The following BMP8A variants were observed in gnomAD, a reference collection of about 807,000 sequenced individuals.
The protein encoded by BMP8A is bone morphogenetic protein 8a.
In BMP8A, 14 loss-of-function variants were observed where a neutral mutation model predicts 36.8. The observed-to-expected ratio is 0.38, with a 90% CI of 0.25 to 0.60. BMP8A has a LOEUF of 0.60. Ranked by LOEUF, BMP8A falls within the 20% of genes least tolerant of loss-of-function variation. The pLI is 0.63. For synonymous variants in BMP8A, 120 were observed against 237.7 expected (o/e 0.50, Z 4.55); for missense variants, 267 against 551.1 (o/e 0.48, Z 5.16).
intron 6 of BMP8A, chr1:39,523,971 AAAATT>A (rs1442242731): frequency 6.1e-6 from 1 of 164,498 alleles, no homozygotes; most frequent in Non-Finnish European, 1.3e-5. Flanking sequence ...CTCTAAAATA[AAAATT>A]AAAACACACA....
At position 39,525,905 on chromosome 1, in the gene BMP8A, C is replaced by A. The variant is rs1645479089; in HGVS notation, c.*107C>A. On this transcript the variant is annotated 3_prime_UTR_variant, in exon 7 of 7. Transcript: ENST00000331593. ...ACAGCTCAAGCAGGAGTGTCAGGGG[C>A]CCTCACTCTCGGTGCCTACTTCCTG... The A allele has an allele frequency of 1.3e-6, 2 of 1,540,488 alleles. No individual in the cohort carries two copies. Among genetic ancestry groups the A allele is most frequent in the Non-Finnish European group, 8.8e-7 (1 of 1,139,942 alleles).
Position 39,529,164 on chromosome 1 carries a change from C to T in BMP8A, c.*3366C>T, listed in dbSNP as rs957023302. On this transcript the variant is annotated 3_prime_UTR_variant, in exon 7 of 7. Transcript: ENST00000331593. ...ACACTTAGTGCCATGCCTGCGCAGA[C>T]CTGTGGAATAAACAGCAATTCTGAG... 2 of 152,226 alleles carry T rather than the reference C, an allele frequency of 1.3e-5. No homozygotes were observed. Among genetic ancestry groups the T allele is most frequent in the African/African-American group, 4.8e-5 (2 of 41,438 alleles). 9.4% of individuals were successfully genotyped at this position (152,226 alleles called of 1,614,324 possible).
Position 39,526,080 on chromosome 1 carries a change from CT to C in BMP8A, c.*284del. 1 of 514,542 alleles carries C rather than the reference CT, an allele frequency of 1.9e-6. No homozygotes were observed. Among genetic ancestry groups the C allele is most frequent in the Non-Finnish European group, 3.4e-6 (1 of 291,024 alleles). The allele number at this position is 514,542 out of a possible 1,614,324, so 31.9% of individuals were successfully genotyped here. A position where few individuals can be genotyped will look rare whatever the true frequency, so the allele number is the denominator to read the frequency against. On this transcript the variant is annotated 3_prime_UTR_variant, in exon 7 of 7. Coordinates refer to ENST00000331593, the MANE Select transcript of BMP8A (RefSeq NM_181809.4). Reference sequence around the variant, plus strand: ...TCTGGAGTCAGCACAGAAGTCCTATCTTAGGACCTGTCAGACTGTGGCTGGC... The same window carrying C: ...TCTGGAGTCAGCACAGAAGTCCTATCTAGGACCTGTCAGACTGTGGCTGGC...
In BMP8A at chr1:39,509,562, G is replaced by A. The variant is rs146984736; in HGVS notation, c.335-1612G>A. On this transcript the variant is annotated intron_variant, in intron 1 of 6. Transcript: ENST00000331593. ...GACAAGACAAGTTCATTTTTCCTCC[G>A]CCCTGGCCTGGGATGAGCGGCCACC... Among the ~76,000 whole-genome samples the A allele has an allele frequency of 1.9e-3, 295 of 152,156 alleles. 2 individuals are homozygous for A. Among genetic ancestry groups the A allele is most frequent in the African/African-American group, 6.5e-3 (268 of 41,534 alleles).
intron 1 of BMP8A, among the ~76,000 whole-genome samples, chr1:39,497,135 T>C (rs1313081654): frequency 2.0e-5 from 3 of 152,272 alleles, no homozygotes; most frequent in South Asian, 4.1e-4. Context: ...AACTGAGTTG[T>C]ATTCCATTGC....
rs1183445567 is a variant in BMP8A at position 39,529,472 on chromosome 1, C to T, written c.*3674C>T. Among the ~76,000 whole-genome samples, 1 of 152,222 alleles carries T rather than the reference C, an allele frequency of 6.6e-6. No individual in the cohort carries two copies. Among genetic ancestry groups the T allele is most frequent in the Non-Finnish European group, 1.5e-5 (1 of 68,042 alleles). ...CCTGGCCCCGTAGTGAGTGTGGGGC[C>T]CACCTGTGCCCTCATGGGCAGCTGA... On this transcript the variant is annotated 3_prime_UTR_variant, in exon 7 of 7. Transcript: ENST00000331593.
Position 39,527,447 on chromosome 1 carries a change from T to C in BMP8A, c.*1649T>C, listed in dbSNP as rs899343460. On this transcript the variant is annotated 3_prime_UTR_variant, in exon 7 of 7. Coordinates refer to ENST00000331593, the MANE Select transcript of BMP8A (RefSeq NM_181809.4). ...CATCCACAGGCACAGCCTGGCAGAG[T>C]GGTTCCACCTCCCCATGGGCCCAAG... Among the ~76,000 whole-genome samples, 2 of 151,986 alleles carry C rather than the reference T, an allele frequency of 1.3e-5. No homozygotes were observed. Among genetic ancestry groups the C allele is most frequent in the Non-Finnish European group, 2.9e-5 (2 of 67,972 alleles).
At position 39,525,977 on chromosome 1, in the gene BMP8A, G is replaced by A. The variant is rs1645479777; in HGVS notation, c.*179G>A. On this transcript the variant is annotated 3_prime_UTR_variant, in exon 7 of 7. Coordinates refer to ENST00000331593, the MANE Select transcript of BMP8A (RefSeq NM_181809.4). The stretch of plus-strand genomic sequence containing the variant: ...GGTACCTCTGTGCCCCTCCCCTGGG[G>A]TTTGTGGCTGTCACTCTGCCCGACA... The A allele has an allele frequency of 2.7e-6, 3 of 1,108,820 alleles. No homozygotes were observed. The highest frequency in any genetic ancestry group is 1.6e-5 in the African/African-American group (1 of 63,392). The allele number at this position is 1,108,820 out of a possible 1,614,324, so 68.7% of individuals were successfully genotyped here.
chr1:39,509,471 G>A (rs924760152), intron 1 of BMP8A, among the ~76,000 whole-genome samples: 10 of 152,262 alleles, frequency 6.6e-5, no homozygotes, highest in East Asian at 1.9e-4. Flanking sequence ...CCTGTGTCAC[G>A]GCATCTGAGC....
Position 39,527,308 on chromosome 1 carries a change from G to A in BMP8A, c.*1510G>A, listed in dbSNP as rs928397270. ...GCTGTTCTCCTTGGAACAGCCACTG[G>A]GAGTTGGAGTGTTTATTTGATTTCT... On this transcript the variant is annotated 3_prime_UTR_variant, in exon 7 of 7. Transcript: ENST00000331593. 3.3e-5 allele frequency among the ~76,000 whole-genome samples: 5 copies of A among 152,282 alleles called. No individual in the cohort carries two copies. The highest frequency in any genetic ancestry group is 3.3e-4 in the Admixed American group (5 of 15,302).
chr1:39,506,007 G>A (rs1462696339), intron 1 of BMP8A, among the ~76,000 whole-genome samples: 4 of 79,008 alleles, frequency 5.1e-5, no homozygotes, highest in Admixed American at 1.1e-4. Flanking sequence ...AAAAAAAAAA[G>A]TGTCAAGGTT....
intron 1 of BMP8A, among the ~76,000 whole-genome samples, 158 bp from the exon 2 acceptor site, chr1:39,511,016 C>T (rs1645349407): frequency 6.6e-6 from 1 of 152,224 alleles, no homozygotes; most frequent in South Asian, 2.1e-4. Context: ...AAGCCTGGAA[C>T]AAACGTTTGC....
chr1:39,523,625 C>A, intron 6 of BMP8A: 1 of 1,443,954 alleles, frequency 6.9e-7, no homozygotes, highest in Non-Finnish European at 9.1e-7. Context: ...GGCTTTTTCC[C>A]GCAGTTTCTC....
chr1:39,497,269 AGCTGTGC>A (rs1358556486), intron 1 of BMP8A, among the ~76,000 whole-genome samples: 2 of 152,190 alleles, frequency 1.3e-5, no homozygotes, highest in East Asian at 3.9e-4. Context: ...GCCATTTGGG[AGCTGTGC>A]GATGTTGAGC....
chr1:39,511,066 G>A (rs929965447), intron 1 of BMP8A, 108 bp from the exon 2 acceptor site: 28 of 1,518,438 alleles, frequency 1.8e-5, no homozygotes, highest in East Asian at 9.4e-5. Context: ...CCCTGGGTCC[G>A]CTCCACCTTG....
chr1:39,497,686 C>T (rs536272725), intron 1 of BMP8A, among the ~76,000 whole-genome samples: 28 of 152,330 alleles, frequency 1.8e-4, no homozygotes, highest in African/African-American at 6.7e-4. Context: ...CCTCTTTCTC[C>T]TACTCCCCAG....
At position 39,515,591 on chromosome 1, in the gene BMP8A, G is replaced by A; in HGVS notation, c.673+3687G>A. 1.3e-6 allele frequency: 2 copies of A among 1,509,594 alleles called. 1 individual carries two copies. Among genetic ancestry groups the A allele is most frequent in the Non-Finnish European group, 1.8e-6 (2 of 1,103,252 alleles). The allele number at this position is 1,509,594 out of a possible 1,614,324, so 93.5% of individuals were successfully genotyped here. ...GGGCAGACTTCGCCCTGGTGAAAGGGTGGAAGGCCGACCGGGCAGGAAACG... is the reference window on the plus strand; with the variant it reads ...GGGCAGACTTCGCCCTGGTGAAAGGATGGAAGGCCGACCGGGCAGGAAACG... On this transcript the variant is annotated intron_variant, in intron 3 of 6. Coordinates refer to ENST00000331593, the MANE Select transcript of BMP8A (RefSeq NM_181809.4).
intron 6 of BMP8A, 110 bp from the exon 7 acceptor site, chr1:39,525,539 G>A: frequency 7.2e-7 from 1 of 1,388,038 alleles, no homozygotes; most frequent in South Asian, 1.3e-5. Context: ...GCTCCCATGT[G>A]GCTTGGAGAT....
rs531940710 is a variant in BMP8A at position 39,507,539 on chromosome 1, A to G, written c.335-3635A>G. Among the ~76,000 whole-genome samples the G allele has an allele frequency of 8.5e-5, 13 of 152,332 alleles. No individual in the cohort carries two copies. In the East Asian group the frequency reaches 2.3e-3, roughly 27 times the overall value. On this transcript the variant is annotated intron_variant, in intron 1 of 6. Transcript: ENST00000331593. The stretch of plus-strand genomic sequence containing the variant: ...AGCAGAAGGAGCCCAGCGAGGAGTC[A>G]GGGTTCCGTTTCCACGTGTGGGAAC...
Sources: gnomAD v4.1 joint callset for allele counts (sites outside exome capture counted in the v4.1 genomes callset) on GRCh38, gnomAD v4.1.1 for gene constraint, MANE v1.5 for transcripts, NCBI Gene and HGNC (gene_info 2026-07-23, HGNC 2026-07-21) for gene names.